Variants in HEBP1 observed in about 807,000 individuals in gnomAD.
The protein encoded by HEBP1 is heme-binding protein 1.
Under a neutral mutation model 20.4 loss-of-function variants are expected in HEBP1, and 13 were observed. That is an observed-to-expected ratio of 0.64 (90% CI 0.42 to 1.01). The LOEUF (loss-of-function observed/expected upper bound fraction) is 1.01. Ranked by LOEUF, HEBP1 falls within the 50% of genes least tolerant of loss-of-function variation. The pLI is 0.00. For missense variants in HEBP1, 241 were observed against 247.3 expected (o/e 0.97, Z 0.17); for synonymous variants, 92 against 90.7 (o/e 1.01, Z -0.08).
intron 1 of HEBP1, among the ~76,000 whole-genome samples, chr12:12,991,527 C>T (rs890293132): frequency 6.6e-6 from 1 of 152,194 alleles, no homozygotes; most frequent in African/African-American, 2.4e-5. Context: ...GGTGTTTACT[C>T]ATTATGGACC....
chr12:12,983,912 A>T (rs560005126), intron 3 of HEBP1: 2 of 375,874 alleles, frequency 5.3e-6, no homozygotes, highest in Admixed American at 6.4e-5. Context: ...CAAGCCAGGG[A>T]GCCATCAACG....
intron 1 of HEBP1, among the ~76,000 whole-genome samples, chr12:12,990,253 C>T (rs977041005): frequency 6.6e-6 from 1 of 151,880 alleles, no homozygotes; most frequent in Non-Finnish European, 1.5e-5. Flanking sequence ...TCACTAGCCT[C>T]GACCTCCTGA....
At chr12:12,975,771 G>C (rs115575208) in intron 3 of HEBP1, among the ~76,000 whole-genome samples, 1 of 152,116 alleles carries the variant, frequency 6.6e-6, no homozygotes, top group Non-Finnish European at 1.5e-5. Flanking sequence ...GAGTATAAAC[G>C]TGAGCCTCCC....
At chr12:12,981,254 G>T (rs1156932905) in intron 3 of HEBP1, among the ~76,000 whole-genome samples, 2 of 152,170 alleles carry the variant, frequency 1.3e-5, no homozygotes, top group African/African-American at 2.4e-5. Flanking sequence ...CTGATTTTGC[G>T]TGGAAATCTG....
intron 3 of HEBP1, chr12:12,983,297 T>G (rs1262866268): frequency 5.6e-6 from 1 of 179,844 alleles, no homozygotes; most frequent in Non-Finnish European, 1.2e-5. Context: ...TTCTATTGCC[T>G]CTTGTGAATA....
In HEBP1 at chr12:12,987,252, C is replaced by T. The variant is rs758837099; in HGVS notation, c.298G>A (p.Val100Ile). The T allele has an allele frequency of 1.9e-6, 3 of 1,613,974 alleles. No individual in the cohort carries two copies. In the Admixed American group the frequency reaches 5.0e-5, roughly 27 times the overall value. The change falls in exon 3 of 4, where the codon GTC (valine) becomes ATC (isoleucine). Residue 100 changes from valine to isoleucine, a missense_variant. Physicochemically the swap from Val to Ile is conservative, Grantham distance 29. Coordinates refer to ENST00000014930, the MANE Select transcript of HEBP1 (RefSeq NM_015987.5). ...EDGSLQKKLKVWFRIPNQFQS... is the reference protein window; with the variant it reads ...EDGSLQKKLKIWFRIPNQFQS... ...AATTGGTTTGGAATCCGGAACCAGA[C>T]TTTTAATTTCTTCTGCAGAGAGCCA...
In HEBP1 at chr12:12,987,272, G is replaced by A. The variant is rs1781420045; in HGVS notation, c.278C>T (p.Ser93Phe). The A allele has an allele frequency of 1.2e-6, 2 of 1,613,950 alleles. No individual in the cohort carries two copies. The highest frequency in any genetic ancestry group is 1.3e-5 in the African/African-American group (1 of 74,902). ...SFAVFPNEDGSLQKKLKVWFR... is the reference protein window; with the variant it reads ...SFAVFPNEDGFLQKKLKVWFR... ...CCAGACTTTTAATTTCTTCTGCAGA[G>A]AGCCATCTTCATTGGGGAACACAGC... Residue 93 changes from serine (S) to phenylalanine (F), a missense_variant, in exon 3 of 4, where the codon TCT (serine) becomes TTT (phenylalanine). By Grantham distance (155) the Ser-to-Phe change is radical. Coordinates refer to ENST00000014930, the MANE Select transcript of HEBP1 (RefSeq NM_015987.5).
At chr12:12,997,495 C>T (rs1864305482) in intron 1 of HEBP1, among the ~76,000 whole-genome samples, 1 of 152,072 alleles carries the variant, frequency 6.6e-6, no homozygotes, top group South Asian at 2.1e-4. Flanking sequence ...GCCTGTGTAG[C>T]GGAAGCCAAA....
At chr12:12,976,881 A>G (rs981305262) in intron 3 of HEBP1, among the ~76,000 whole-genome samples, 1 of 152,232 alleles carries the variant, frequency 6.6e-6, no homozygotes, top group Non-Finnish European at 1.5e-5. Context: ...TTTTCAGGCA[A>G]TAAGAGCCTG....
chr12:12,987,319 C>T lies in HEBP1; in HGVS notation c.231G>A (p.Gly77=). ...GGTNDKGIGM[G]MTVPISFAVF... ...CAGCAAAGGAAATAGGGACTGTCAT[C>T]CCCATCCCAATTCCTGAAAACACAA... The change falls in exon 3 of 4, where the codon GGG becomes GGA. Residue 77 remains glycine, a synonymous_variant. Transcript: ENST00000014930. 6.2e-7 allele frequency: 1 copy of T among 1,613,058 alleles called. No individual in the cohort carries two copies. The highest frequency in any genetic ancestry group is 1.1e-5 in the South Asian group (1 of 90,990).
intron 1 of HEBP1, among the ~76,000 whole-genome samples, chr12:12,999,117 A>G (rs945556795): frequency 2.0e-5 from 3 of 152,184 alleles, no homozygotes; most frequent in Non-Finnish European, 2.9e-5. Flanking sequence ...ATTTATATCT[A>G]TTCTGCACAG....
In HEBP1 at chr12:12,989,332, A is replaced by C; in HGVS notation, c.162T>G (p.Ala54=). 1 of 1,614,196 alleles carries C rather than the reference A, an allele frequency of 6.2e-7. No homozygotes were observed. The highest frequency in any genetic ancestry group is 8.5e-7 in the Non-Finnish European group (1 of 1,180,018). Residue 54 remains alanine, a synonymous_variant, in exon 2 of 4, where the codon GCT becomes GCG. Coordinates refer to ENST00000014930, the MANE Select transcript of HEBP1 (RefSeq NM_015987.5). The part of the protein sequence containing the change: ...VEVTDKPVDE[A]LREAMPKVAK... Reference sequence around the variant, plus strand: ...CGACCTTGGGCATTGCTTCCCGTAGAGCCTCATCCACAGGCTTATCTGTCA... The same window carrying C: ...CGACCTTGGGCATTGCTTCCCGTAGCGCCTCATCCACAGGCTTATCTGTCA...
intron 1 of HEBP1, 85 bp from the exon 2 acceptor site, chr12:12,989,500 A>C (rs1010719628): frequency 2.8e-6 from 4 of 1,406,526 alleles, no homozygotes; most frequent in Non-Finnish European, 3.0e-6. Flanking sequence ...GGGCTAAAAA[A>C]CTTTCCTTGG....
At chr12:12,994,958 G>A (rs867525659) in intron 1 of HEBP1, among the ~76,000 whole-genome samples, 3 of 152,212 alleles carry the variant, frequency 2.0e-5, no homozygotes, top group Middle Eastern at 3.2e-3. Flanking sequence ...CATTCATCAA[G>A]TTCTTAACCT....
At chr12:12,993,745 T>A (rs569572267) in intron 1 of HEBP1, among the ~76,000 whole-genome samples, 1 of 152,328 alleles carries the variant, frequency 6.6e-6, no homozygotes, top group South Asian at 2.1e-4. Context: ...TTTTATTCAT[T>A]TAACCAACAA....
At chr12:12,994,003 A>G (rs1864261685) in intron 1 of HEBP1, among the ~76,000 whole-genome samples, 1 of 152,192 alleles carries the variant, frequency 6.6e-6, no homozygotes, top group Non-Finnish European at 1.5e-5. Context: ...TCACTACTTT[A>G]TTAATTCATG....
intron 1 of HEBP1, among the ~76,000 whole-genome samples, chr12:12,994,094 G>A (rs184479236): frequency 6.6e-6 from 1 of 152,346 alleles, no homozygotes; most frequent in African/African-American, 2.4e-5. Flanking sequence ...AGGATGGTGA[G>A]GAGTATTACA....
Position 12,982,603 on chromosome 12 carries a change from A to G in HEBP1, c.398+4549T>C, listed in dbSNP as rs375524412. On this transcript the variant is annotated intron_variant, in intron 3 of 3. Transcript: ENST00000014930. Reference sequence around the variant, plus strand: ...TTTAGAGGGAAAAATGACATCAGCAACCTAGGTGCTGACAGCTGACAAAGT... The same window carrying G: ...TTTAGAGGGAAAAATGACATCAGCAGCCTAGGTGCTGACAGCTGACAAAGT... 2.7e-3 allele frequency among the ~76,000 whole-genome samples: 412 copies of G among 152,314 alleles called. 1 individual carries two copies. Among genetic ancestry groups the G allele is most frequent in the African/African-American group, 9.6e-3 (398 of 41,572 alleles).
chr12:12,990,116 G>GCACA (rs36210276), intron 1 of HEBP1, among the ~76,000 whole-genome samples: 3,887 of 149,540 alleles, frequency 0.026, 180 homozygotes, highest in African/African-American at 0.091. Flanking sequence ...TACTCTCTGT[G>GCACA]CACACACACA....
Sources: gnomAD v4.1 joint callset for allele counts (sites outside exome capture counted in the v4.1 genomes callset) on GRCh38, gnomAD v4.1.1 for gene constraint, MANE v1.5 for transcripts, NCBI Gene and HGNC (gene_info 2026-07-23, HGNC 2026-07-21) for gene names.